TSHZ3: variants seen among roughly 807,000 people sequenced by gnomAD.
TSHZ3 encodes the protein teashirt zinc finger homeobox 3, also known as teashirt homolog 3.
TSHZ3 carries 10 observed loss-of-function variants against 64.5 expected under a neutral mutation model. The ratio of observed to expected loss-of-function variants is 0.16; its 90% CI spans 0.10 to 0.26. The LOEUF (loss-of-function observed/expected upper bound fraction) is 0.26, where lower values mean the gene tolerates loss of function less well. Among genes scored for constraint, TSHZ3 ranks in the 10% least tolerant of loss-of-function variants. TSHZ3 has a pLI of 1.00. For synonymous variants in TSHZ3, 608 were observed against 593.1 expected (o/e 1.03, Z -0.36); for missense variants, 1,242 against 1,421.7 (o/e 0.87, Z 2.03).
At chr19:31,339,292 A>C (rs1917354806) in intron 1 of TSHZ3, among the ~76,000 whole-genome samples, 1 of 152,116 alleles carries the variant, frequency 6.6e-6, no homozygotes, top group Admixed American at 6.5e-5. Flanking sequence ...AAGAGTGTCA[A>C]AGGCTGAACA....
chr19:31,331,826 A>C (rs1052945141), intron 1 of TSHZ3, among the ~76,000 whole-genome samples: 18 of 152,140 alleles, frequency 1.2e-4, no homozygotes, highest in African/African-American at 4.1e-4. Flanking sequence ...GCACCTTCGT[A>C]AGGAGGGGTG....
chr19:31,234,738 T>A (rs1599597207), intron 3 of TSHZ3, among the ~76,000 whole-genome samples: 1 of 152,254 alleles, frequency 6.6e-6, no homozygotes, highest in Non-Finnish European at 1.5e-5. Flanking sequence ...GCAGTCTTCA[T>A]ATAGTGCTGA....
At chr19:31,237,043 G>A (rs1232955471) in intron 3 of TSHZ3, among the ~76,000 whole-genome samples, 2 of 119,464 alleles carry the variant, frequency 1.7e-5, no homozygotes, top group Non-Finnish European at 3.4e-5. Context: ...CAGCTACTTG[G>A]GAGGCTGAGG....
intron 1 of TSHZ3, among the ~76,000 whole-genome samples, chr19:31,300,501 C>A (rs1438314022): frequency 2.0e-5 from 3 of 152,124 alleles, no homozygotes; most frequent in Non-Finnish European, 2.9e-5. Flanking sequence ...AAAAAACCAA[C>A]CTAGCTTGGA....
chr19:31,249,223 G>A (rs1975800459), intron 1 of TSHZ3, among the ~76,000 whole-genome samples: 1 of 152,226 alleles, frequency 6.6e-6, no homozygotes, highest in Non-Finnish European at 1.5e-5. Flanking sequence ...GGGCTCCAGT[G>A]ATCTGTCAAT....
chr19:31,288,079 C>T (rs554644736), intron 1 of TSHZ3, among the ~76,000 whole-genome samples: 1 of 152,068 alleles, frequency 6.6e-6, no homozygotes, highest in African/African-American at 2.4e-5. Context: ...GGACTACAGG[C>T]ACTAGATACC....
In TSHZ3 at chr19:31,279,457, C is replaced by G. The variant is rs199915327; in HGVS notation, c.336G>C (p.Ser112=). Residue 112 remains serine, a synonymous_variant, in exon 2 of 2, where the codon TCG becomes TCC. Coordinates refer to ENST00000240587, the MANE Select transcript of TSHZ3 (RefSeq NM_020856.4). The surrounding 1 kb of genome is among the most constrained non-coding windows in gnomAD (Gnocchi z 6.4). ...CGGCCTTCATCTGCTCCAGGCTATC[C>G]GACACAGTCGTGTCTTCCAGTGGGA... The part of the protein sequence containing the change: ...VTVPLEDTTV[S]DSLEQMKAVY... 34 of 1,614,064 alleles carry G rather than the reference C, an allele frequency of 2.1e-5. No homozygotes were observed. The highest frequency in any genetic ancestry group is 2.7e-5 in the Non-Finnish European group (32 of 1,180,052).
At position 31,265,354 on chromosome 19, in the gene TSHZ3, G is replaced by A. The variant is rs189339413; in HGVS notation, n.64-22479C>T. On this transcript the variant is annotated intron_variant and non_coding_transcript_variant, in intron 1 of 6. Transcript: ENST00000651361. ...GGAGGTTGCAGTGAGCCAAAGTTGC[G>A]CCATTGCACTCCAGCCTGGGCAATA... 4.5e-3 allele frequency among the ~76,000 whole-genome samples: 553 copies of A among 121,730 alleles called. 3 individuals are homozygous for A. The highest frequency in any genetic ancestry group is 0.016 in the Middle Eastern group (2 of 122). 79.9% of individuals were successfully genotyped at this position (121,730 alleles called of 152,430 possible).
At position 31,347,461 on chromosome 19, in the gene TSHZ3, A is replaced by C. The variant is rs998654245; in HGVS notation, c.40+1719T>G. On this transcript the variant is annotated intron_variant, in intron 1 of 1. Transcript: ENST00000240587. ...AAATGTGTATCCAAAAAGGAAAGAA[A>C]AAAAAAATTTCAAAGACTGGAAGAA... Among the ~76,000 whole-genome samples the C allele has an allele frequency of 3.3e-5, 5 of 152,192 alleles. 1 individual carries two copies. The South Asian group carries it at 1.0e-3, about 31-fold the overall frequency.
chr19:31,200,525 A>G (rs921192187), intron 5 of TSHZ3, among the ~76,000 whole-genome samples: 7 of 152,194 alleles, frequency 4.6e-5, no homozygotes, highest in Non-Finnish European at 7.3e-5. Context: ...TGGAAAAGGC[A>G]AAATGATGGA....
intron 1 of TSHZ3, among the ~76,000 whole-genome samples, chr19:31,282,852 C>T (rs1976388580): frequency 6.6e-6 from 1 of 152,224 alleles, no homozygotes; most frequent in Non-Finnish European, 1.5e-5. Context: ...GACCTGGCCT[C>T]ACCGCACACC....
intron 3 of TSHZ3, among the ~76,000 whole-genome samples, chr19:31,228,747 A>G (rs550724705): frequency 5.5e-4 from 84 of 152,222 alleles, no homozygotes; most frequent in Middle Eastern, 3.4e-3. Context: ...ATCTCTACCA[A>G]TGCTGCCAGG....
intron 5 of TSHZ3, among the ~76,000 whole-genome samples, chr19:31,163,425 AG>A (rs565021405): frequency 5.3e-5 from 8 of 152,284 alleles, no homozygotes; most frequent in African/African-American, 1.9e-4. Context: ...ATTATTGGTA[AG>A]ATGCTTTAAA....
At chr19:31,274,366 T>G (rs1568365330), downstream of TSHZ3, among the ~76,000 whole-genome samples, 1 of 152,116 alleles carries the variant, frequency 6.6e-6, no homozygotes, top group Non-Finnish European at 1.5e-5. Flanking sequence ...CCTCCTCCCA[T>G]GGATGGGTTC....
At position 31,302,945 on chromosome 19, in the gene TSHZ3, G is replaced by C. The variant is rs77710049; in HGVS notation, c.41-23193C>G. The stretch of plus-strand genomic sequence containing the variant: ...ACAACGTGGCTTGAGTTCATCTTTA[G>C]TTTTAATCTAGATTACATGTACATG... On this transcript the variant is annotated intron_variant, in intron 1 of 1. Transcript: ENST00000240587. Among the ~76,000 whole-genome samples the C allele has an allele frequency of 4.5e-3, 692 of 152,252 alleles. 20 individuals carry two copies. In the East Asian group the frequency reaches 0.085, roughly 19 times the overall value.
rs1356712661 is a variant in TSHZ3, at chr19:31,349,390, C to G, written c.-171G>C. The G allele has an allele frequency of 1.0e-5, 5 of 484,156 alleles. No homozygotes were observed. The highest frequency in any genetic ancestry group is 4.6e-5 in the Admixed American group (1 of 21,900). 30.0% of individuals were successfully genotyped at this position (484,156 alleles called of 1,614,324 possible). On this transcript the variant is annotated 5_prime_UTR_variant, in exon 1 of 2. Transcript: ENST00000240587. ...CTGCGCCCAGGCTCTCCGCGTCCCC[C>G]CCGCGCCGCGCTCCGCCGCGAACCC...
chr19:31,335,544 GC>G (rs1034291633), intron 1 of TSHZ3, among the ~76,000 whole-genome samples: 9 of 152,338 alleles, frequency 5.9e-5, no homozygotes, highest in African/African-American at 2.2e-4. Context: ...AAGGACCACT[GC>G]TGTGTGTTCA....
At chr19:31,177,207 C>T (rs1296301268) in intron 5 of TSHZ3, among the ~76,000 whole-genome samples, 5 of 152,164 alleles carry the variant, frequency 3.3e-5, no homozygotes, top group African/African-American at 1.2e-4. Flanking sequence ...GACCATGGCG[C>T]CTTCATACAG....
At chr19:31,224,157 G>C (rs568024756) in intron 4 of TSHZ3, among the ~76,000 whole-genome samples, 189 of 152,314 alleles carry the variant, frequency 1.2e-3, no homozygotes, top group Admixed American at 4.6e-3. Context: ...GTGCCATTGT[G>C]TTCTGGCACC....
Sources: allele counts gnomAD v4.1 joint callset (sites outside exome capture counted in the v4.1 genomes callset), GRCh38; gene constraint gnomAD v4.1.1; non-coding constraint Gnocchi (gnomAD v3.1); transcripts MANE v1.5; gene names NCBI Gene and HGNC (gene_info 2026-07-23, HGNC 2026-07-21).